DOK5: variants seen among roughly 807,000 people sequenced by gnomAD.
The protein encoded by DOK5 is docking protein 5, also known as downstream of tyrosine kinase 5.
DOK5 carries 27 observed loss-of-function variants against 43.3 expected under a neutral mutation model. The ratio of observed to expected loss-of-function variants is 0.62; its 90% confidence interval spans 0.46 to 0.86. DOK5 has a LOEUF of 0.86. DOK5 is among the 40% of genes least tolerant of loss of function. DOK5 has a pLI of 0.00. For missense variants in DOK5, 373 were observed against 392.9 expected, an observed-to-expected ratio of 0.95 and a Z score of 0.43; for synonymous variants, 146 against 140.1, an observed-to-expected ratio of 1.04 and a Z score of -0.30.
intron 1 of DOK5, among the ~76,000 whole-genome samples, chr20:54,542,515 G>A (rs1984198938): frequency 6.6e-6 from 1 of 152,196 alleles, no homozygotes; most frequent in Non-Finnish European, 1.5e-5. Flanking sequence ...TTCTGTTTTA[G>A]CGCTTGCTTG....
chr20:54,486,041 T>G (rs1377293311), intron 1 of DOK5, among the ~76,000 whole-genome samples: 1 of 152,246 alleles, frequency 6.6e-6, no homozygotes, highest in Admixed American at 6.5e-5. Context: ...GATAAGTGGT[T>G]TGCAAGTATC....
At chr20:54,588,245 A>G (rs1043352338) in intron 2 of DOK5, among the ~76,000 whole-genome samples, 2 of 152,250 alleles carry the variant, frequency 1.3e-5, no homozygotes, top group African/African-American at 4.8e-5. Flanking sequence ...AGCTTGTTCC[A>G]CTTAATACGT....
intron 6 of DOK5, among the ~76,000 whole-genome samples, chr20:54,636,751 T>G (rs1404215403): frequency 6.6e-6 from 1 of 152,230 alleles, no homozygotes; most frequent in African/African-American, 2.4e-5. Context: ...CTTTCTTTAC[T>G]GCAATGCCAT....
At chr20:54,603,452 T>A (rs769087070) in intron 5 of DOK5, among the ~76,000 whole-genome samples, 1 of 152,266 alleles carries the variant, frequency 6.6e-6, no homozygotes, top group Non-Finnish European at 1.5e-5. Flanking sequence ...CAGTCTGTAC[T>A]GAAGCAACAG....
chr20:54,526,089 C>G (rs1983564590), intron 1 of DOK5, among the ~76,000 whole-genome samples: 1 of 151,888 alleles, frequency 6.6e-6, no homozygotes, highest in African/African-American at 2.4e-5. Flanking sequence ...AAGGTTCACC[C>G]TTCTCTGATC....
intron 1 of DOK5, among the ~76,000 whole-genome samples, chr20:54,503,812 G>A (rs938761938): frequency 5.9e-5 from 9 of 152,166 alleles, no homozygotes; most frequent in Non-Finnish European, 1.2e-4. Context: ...CCTGACATCA[G>A]AAGTGAAGAT....
chr20:54,534,823 C>T (rs528962465), intron 1 of DOK5, among the ~76,000 whole-genome samples: 1 of 102,946 alleles, frequency 9.7e-6, no homozygotes, highest in Admixed American at 9.8e-5. Context: ...AAGCATGTTT[C>T]TTTCTTTCTT....
intron 2 of DOK5, among the ~76,000 whole-genome samples, chr20:54,564,369 T>G (rs1985020715): frequency 6.6e-6 from 1 of 152,202 alleles, no homozygotes. Flanking sequence ...ACGCGGAGCT[T>G]GCAGTGAGCC....
At chr20:54,554,886 T>C (rs757846500) in intron 1 of DOK5, 47 bp from the exon 2 acceptor site, 12 of 1,183,914 alleles carry the variant, frequency 1.0e-5, no homozygotes, top group Non-Finnish European at 1.0e-5. Context: ...TAAATGCAAA[T>C]GTCAGTCAGG....
rs1283313483 is a variant in DOK5, at chr20:54,591,560, T to C, written c.410-56T>C. 5 of 1,347,248 alleles carry C rather than the reference T, an allele frequency of 3.7e-6. No homozygotes were observed. The East Asian group carries it at 7.4e-5, about 20-fold the overall frequency. 83.5% of individuals were successfully genotyped at this position (1,347,248 alleles called of 1,614,324 possible). ...TTTAAATGCCTCTATGTTCCTACAA[T>C]GTCTTTGATGTTTTATTCCTGGGGA... On this transcript the variant is annotated intron_variant, in intron 4 of 7. Coordinates refer to ENST00000262593, the MANE Select transcript of DOK5 (RefSeq NM_018431.5).
At chr20:54,630,532 A>G (rs1978515947) in intron 6 of DOK5, among the ~76,000 whole-genome samples, 1 of 152,154 alleles carries the variant, frequency 6.6e-6, no homozygotes, top group African/African-American at 2.4e-5. Context: ...GGGGAGAGAT[A>G]AGGGTTGCTG....
intron 5 of DOK5, among the ~76,000 whole-genome samples, chr20:54,598,236 A>C (rs1432329162): frequency 6.6e-6 from 1 of 152,218 alleles, no homozygotes; most frequent in Non-Finnish European, 1.5e-5. Flanking sequence ...ATAAGATGAA[A>C]TTGCACAATT....
At chr20:54,567,224 G>A (rs929555921) in intron 2 of DOK5, among the ~76,000 whole-genome samples, 3 of 151,924 alleles carry the variant, frequency 2.0e-5, no homozygotes, top group Non-Finnish European at 4.4e-5. Context: ...TATTGTTCAT[G>A]CTTTTGGTGT....
intron 1 of DOK5, among the ~76,000 whole-genome samples, chr20:54,551,035 T>C (rs1169792139): frequency 6.6e-6 from 1 of 152,234 alleles, no homozygotes; most frequent in African/African-American, 2.4e-5. Flanking sequence ...AGTCATCCAA[T>C]TTTTCCACAT....
intron 1 of DOK5, among the ~76,000 whole-genome samples, chr20:54,535,810 C>T: frequency 6.6e-6 from 1 of 152,000 alleles, no homozygotes; most frequent in East Asian, 1.9e-4. Context: ...CAATGTCTCT[C>T]AGTATGATTT....
At chr20:54,579,325 G>A (rs36118960) in intron 2 of DOK5, among the ~76,000 whole-genome samples, 20,797 of 151,700 alleles carry the variant, frequency 0.14, 1,723 homozygotes, top group African/African-American at 0.22. Flanking sequence ...AAAATTCTGA[G>A]TATCTTTTGC....
intron 1 of DOK5, among the ~76,000 whole-genome samples, chr20:54,507,796 C>T (rs1376035319): frequency 6.6e-6 from 1 of 152,152 alleles, no homozygotes; most frequent in Non-Finnish European, 1.5e-5. Context: ...AACAAAGCCA[C>T]TGGGGCCACA....
intron 1 of DOK5, among the ~76,000 whole-genome samples, chr20:54,533,521 C>T (rs1029512612): frequency 6.6e-6 from 1 of 151,990 alleles, no homozygotes; most frequent in Non-Finnish European, 1.5e-5. Flanking sequence ...ATCCAATTAA[C>T]AAAAGAATGC....
chr20:54,602,683 G>A (rs1026735160), intron 5 of DOK5, among the ~76,000 whole-genome samples: 2 of 152,020 alleles, frequency 1.3e-5, no homozygotes, highest in Non-Finnish European at 2.9e-5. Flanking sequence ...ATTTTTTAAT[G>A]TATTTTTTTT....
Sources: allele counts gnomAD v4.1 joint callset (sites outside exome capture counted in the v4.1 genomes callset), GRCh38; gene constraint gnomAD v4.1.1; transcripts MANE v1.5; gene names NCBI Gene and HGNC (gene_info 2026-07-23, HGNC 2026-07-21).